The following MMEL1 variants were observed in gnomAD, a reference collection of about 807,000 sequenced individuals.
The protein encoded by MMEL1 is membrane metallo-endopeptidase-like 1.
MMEL1 carries 98 observed loss-of-function variants against 117.1 expected under a neutral mutation model. The observed-to-expected ratio is 0.84, with a 90% confidence interval of 0.71 to 0.99. MMEL1 has a LOEUF of 0.99. Among genes scored for constraint, MMEL1 ranks in the 50% least tolerant of loss-of-function variants. The pLI is 0.00. For synonymous variants in MMEL1, 390 were observed against 415.1 expected, an observed-to-expected ratio of 0.94 and a Z score of 0.74; for missense variants, 1,014 against 1,049.1, an observed-to-expected ratio of 0.97 and a Z score of 0.46.
chr1:2,607,899 C>T (rs1360022047), intron 6 of MMEL1, among the ~76,000 whole-genome samples: 2 of 152,070 alleles, frequency 1.3e-5, no homozygotes, highest in Non-Finnish European at 2.9e-5. Flanking sequence ...TGTTAGGGGC[C>T]GGATGCCGTG....
At chr1:2,602,742 G>A (rs1644953760) in intron 11 of MMEL1, among the ~76,000 whole-genome samples, 1 of 152,162 alleles carries the variant, frequency 6.6e-6, no homozygotes, top group African/African-American at 2.4e-5. Context: ...TAGCCCCGGT[G>A]CTCATTAGCT....
intron 6 of MMEL1, among the ~76,000 whole-genome samples, chr1:2,607,760 G>T (rs1479188697): frequency 6.6e-6 from 1 of 152,112 alleles, no homozygotes; most frequent in Non-Finnish European, 1.5e-5. Context: ...CTGAGTGGGG[G>T]CTGCTGGCCT....
At chr1:2,609,034 TACACACACACAC>T (rs70956312) in intron 6 of MMEL1, among the ~76,000 whole-genome samples, 15,128 of 144,702 alleles carry the variant, frequency 0.1, 892 homozygotes, top group Middle Eastern at 0.2. Flanking sequence ...ATCCATATAA[TACACACACACAC>T]ACACACACAC....
At chr1:2,619,974 G>A (rs1645266391) in intron 2 of MMEL1, among the ~76,000 whole-genome samples, 1 of 152,176 alleles carries the variant, frequency 6.6e-6, no homozygotes, top group Non-Finnish European at 1.5e-5. Flanking sequence ...AATGGAAAAG[G>A]AGAGAAAAGG....
intron 21 of MMEL1, among the ~76,000 whole-genome samples, chr1:2,592,284 C>T (rs867436): frequency 0.24 from 21,193 of 89,472 alleles, 1,729 homozygotes; most frequent in African/African-American, 0.36. Flanking sequence ...GCCCCTGACG[C>T]CCCCTCCCCT....
chr1:2,604,122 T>TAC, intron 10 of MMEL1, 25 bp downstream of exon 10: 505 of 1,357,176 alleles, frequency 3.7e-4, no homozygotes, highest in Non-Finnish European at 4.9e-4. Context: ...CGCTGCCCGC[T>TAC]CCCCACCCGC....
At chr1:2,608,508 A>G (rs564959840) in intron 6 of MMEL1, among the ~76,000 whole-genome samples, 1 of 56,436 alleles carries the variant, frequency 1.8e-5, no homozygotes, top group East Asian at 8.2e-4. Context: ...GTATACACAC[A>G]TAACACATAT....
Position 2,595,440 on chromosome 1 carries a change from C to T in MMEL1, c.1501-81G>A. The T allele has an allele frequency of 1.6e-6, 2 of 1,262,104 alleles. No individual in the cohort carries two copies. The highest frequency in any genetic ancestry group is 1.2e-5 in the South Asian group (1 of 81,960). 78.2% of individuals were successfully genotyped at this position (1,262,104 alleles called of 1,614,324 possible). ...CGGGGGCCGGTCAGTGAGTGCCACACTGTGGGAGGGGTCAGCCCGGGGCAT... is the reference window on the plus strand; with the variant it reads ...CGGGGGCCGGTCAGTGAGTGCCACATTGTGGGAGGGGTCAGCCCGGGGCAT... On this transcript the variant is annotated intron_variant, in intron 15 of 23. Transcript: ENST00000378412. This position sits in a 1 kb window ranked among gnomAD's most constrained non-coding sequence, Gnocchi z 4.8.
At chr1:2,626,077 C>T (rs1638260925) in intron 2 of MMEL1, among the ~76,000 whole-genome samples, 1 of 152,184 alleles carries the variant, frequency 6.6e-6, no homozygotes, top group Admixed American at 6.5e-5. Flanking sequence ...TCCCAGTGGG[C>T]AGAACTTCAA....
chr1:2,596,457 G>T, intron 14 of MMEL1, 104 bp downstream of exon 14: 1 of 1,471,236 alleles, frequency 6.8e-7, no homozygotes, highest in Non-Finnish European at 9.2e-7. Flanking sequence ...GTGAGCTGGG[G>T]CAGGTGCCCC....
At chr1:2,594,513 G>A (rs1644799802) in intron 17 of MMEL1, 70 bp from the exon 18 acceptor site, 3 of 1,510,766 alleles carry the variant, frequency 2.0e-6, no homozygotes, top group Admixed American at 2.0e-5. Flanking sequence ...TCTCTGCCTT[G>A]ATGGACCAGG....
Position 2,592,839 on chromosome 1 carries a change from T to C in MMEL1, c.1995A>G (p.Glu665=), listed in dbSNP as rs1173702493. The part of the protein sequence containing the change: ...YGNYSWDLAD[E]QNVNGFNTLG... ...TGCTGGTGGCAGCGCTCACGTTCTG[T>C]TCGTCTGCCAGGTCCCAGGAGTAGT... Residue 665 remains glutamate, a synonymous_variant, in exon 20 of 24, where the codon GAA becomes GAG. Transcript: ENST00000378412. The C allele has an allele frequency of 1.2e-6, 2 of 1,613,502 alleles. No homozygotes were observed. Among genetic ancestry groups the C allele is most frequent in the Admixed American group, 3.3e-5 (2 of 59,994 alleles).
chr1:2,623,817 G>A (rs1290240225), intron 2 of MMEL1, among the ~76,000 whole-genome samples: 2 of 152,194 alleles, frequency 1.3e-5, no homozygotes, highest in African/African-American at 4.8e-5. Context: ...ATACTCGTCT[G>A]GCAGGCAGCA....
chr1:2,627,835 G>T (rs956387776), intron 2 of MMEL1, among the ~76,000 whole-genome samples: 1 of 152,274 alleles, frequency 6.6e-6, no homozygotes, highest in South Asian at 2.1e-4. Context: ...GGGTCTTGAC[G>T]GGGAACAGAG....
Position 2,595,883 on chromosome 1 carries a change from T to C in MMEL1, c.1500+126A>G. On this transcript the variant is annotated intron_variant, in intron 15 of 23. Transcript: ENST00000378412. This position sits in a 1 kb window ranked among gnomAD's most constrained non-coding sequence, Gnocchi z 4.8. ...GCCTCCCGGGGCTGCCTTCTCCCCGTGGGGTCCTGTCTGCGCCTCCCGGGG... is the reference window on the plus strand; with the variant it reads ...GCCTCCCGGGGCTGCCTTCTCCCCGCGGGGTCCTGTCTGCGCCTCCCGGGG... 1.4e-6 allele frequency: 1 copy of C among 721,234 alleles called. No homozygotes were observed. Among genetic ancestry groups the C allele is most frequent in the South Asian group, 1.7e-5 (1 of 60,126 alleles). The allele number at this position is 721,234 out of a possible 1,614,324, so 44.7% of individuals were successfully genotyped here. A position where few individuals can be genotyped will look rare whatever the true frequency, so the allele number is the denominator to read the frequency against.
chr1:2,613,496 G>T (rs1645160122), intron 2 of MMEL1, among the ~76,000 whole-genome samples: 1 of 152,164 alleles, frequency 6.6e-6, no homozygotes, highest in South Asian at 2.1e-4. Flanking sequence ...AGTTGAAATT[G>T]ACTGTGGCCC....
chr1:2,591,499 T>C, intron 23 of MMEL1, 58 bp downstream of exon 23: 1 of 1,385,064 alleles, frequency 7.2e-7, no homozygotes, highest in South Asian at 1.2e-5. Context: ...TACAGGCCAC[T>C]GGGGTGGGGG....
rs1638401679 is a variant in MMEL1 at position 2,628,942 on chromosome 1, T to A, written c.154+389A>T. On this transcript the variant is annotated intron_variant, in intron 2 of 23. Coordinates refer to ENST00000378412, the MANE Select transcript of MMEL1 (RefSeq NM_033467.4). ...GCGGGAGGGACACGGACGCCGGTGG[T>A]CCCCAGCCGGGGCTGCGCGGCCAGG... is the stretch of plus-strand genomic sequence containing the variant. Among the ~76,000 whole-genome samples the A allele has an allele frequency of 3.0e-5, 3 of 101,466 alleles. No homozygotes were observed. In the South Asian group the frequency reaches 1.1e-3, roughly 37 times the overall value. 66.6% of individuals were successfully genotyped at this position (101,466 alleles called of 152,430 possible).
At chr1:2,613,690 C>T (rs931686148) in intron 2 of MMEL1, among the ~76,000 whole-genome samples, 6 of 151,942 alleles carry the variant, frequency 3.9e-5, no homozygotes, top group South Asian at 2.1e-4. Flanking sequence ...GGGGCACATG[C>T]GCCTGGCAAG....
Sources: gnomAD v4.1 joint callset for allele counts (sites outside exome capture counted in the v4.1 genomes callset) on GRCh38, gnomAD v4.1.1 for gene constraint, Gnocchi (gnomAD v3.1) non-coding constraint, MANE v1.5 for transcripts, NCBI Gene and HGNC (gene_info 2026-07-23, HGNC 2026-07-21) for gene names.